Variants in MSRA observed in about 807,000 individuals in gnomAD.
The protein encoded by MSRA is methionine sulfoxide reductase A.
MSRA carries 54 observed loss-of-function variants against 31.3 expected under a neutral mutation model. That is an observed-to-expected ratio of 1.73 (90% confidence interval 1.39 to 2.17). The LOEUF (loss-of-function observed/expected upper bound fraction) is 2.17, where lower values mean the gene tolerates loss of function less well. Ranked by LOEUF, MSRA falls within the 30% of genes most tolerant of loss-of-function variation. MSRA has a pLI of 0.00. For synonymous variants in MSRA, 169 were observed against 116.5 expected (o/e 1.45, Z -2.90); for missense variants, 507 against 300.9 (o/e 1.69, Z -5.07).
chr8:10,428,141 C>T lies in MSRA; in HGVS notation c.544-7C>T. On this transcript the variant is annotated splice_region_variant and splice_polypyrimidine_tract_variant and intron_variant, in intron 5 of 5. Transcript: ENST00000317173. ...GGAGCTGATGGCGCCTTTCTGTGTC[C>T]CCACAGGTTCTTTCAGAGCACGGCT... 8.7e-6 allele frequency: 14 copies of T among 1,609,670 alleles called. No homozygotes were observed. Among genetic ancestry groups the T allele is most frequent in the East Asian group, 4.5e-5 (2 of 44,844 alleles).
chr8:10,323,562 C>G (rs62490329), intron 5 of MSRA, among the ~76,000 whole-genome samples: 10,310 of 152,108 alleles, frequency 0.068, 498 homozygotes, highest in East Asian at 0.25. Context: ...GGGGAACCCA[C>G]GTTGATTTTA....
At chr8:10,114,369 G>T (rs751153040) in intron 1 of MSRA, among the ~76,000 whole-genome samples, 1 of 152,014 alleles carries the variant, frequency 6.6e-6, no homozygotes, top group Non-Finnish European at 1.5e-5. Context: ...GGAATTTTTG[G>T]GCCATTTGGC....
intron 1 of MSRA, among the ~76,000 whole-genome samples, chr8:10,175,185 C>T (rs1415088291): frequency 6.6e-6 from 1 of 152,178 alleles, no homozygotes. Context: ...TCATGAGATG[C>T]CACGATGGTC....
chr8:10,156,826 T>TA (rs1554469607), intron 1 of MSRA, among the ~76,000 whole-genome samples: 1,583 of 150,496 alleles, frequency 0.011, 11 homozygotes, highest in Non-Finnish European at 0.018. Context: ...TTTTTTTTTT[T>TA]AGCTTCATTC....
chr8:10,378,973 TC>T (rs1563412548), intron 5 of MSRA, among the ~76,000 whole-genome samples: 7 of 152,358 alleles, frequency 4.6e-5, no homozygotes, highest in Admixed American at 4.6e-4. Flanking sequence ...CTGTCATCTC[TC>T]TTCCAGCCTT....
rs2975675 is a variant in MSRA, at chr8:10,264,053, C to A, written c.331+18830C>A. Among the ~76,000 whole-genome samples, 12 of 152,216 alleles carry A rather than the reference C, an allele frequency of 7.9e-5. No individual in the cohort carries two copies. In the East Asian group the frequency reaches 1.7e-3, roughly 22 times the overall value. On this transcript the variant is annotated intron_variant, in intron 3 of 5. Coordinates refer to ENST00000317173, the MANE Select transcript of MSRA (RefSeq NM_012331.5). ...ACTTGTCATGAAAAGTATATTTTAC[C>A]TTAATAAGCTAATGATTTATTTCAA...
At chr8:10,193,648 A>G (rs985791762) in intron 1 of MSRA, among the ~76,000 whole-genome samples, 1 of 152,216 alleles carries the variant, frequency 6.6e-6, no homozygotes, top group East Asian at 1.9e-4. Context: ...CATCTTTCAT[A>G]GAAAGGCAAG....
chr8:10,251,690 C>G (rs1359752244), intron 3 of MSRA, among the ~76,000 whole-genome samples: 2 of 152,180 alleles, frequency 1.3e-5, no homozygotes, highest in Non-Finnish European at 2.9e-5. Flanking sequence ...TCCCCACACC[C>G]ACATCCAAGC....
At chr8:10,307,716 C>G (rs903285064) in intron 4 of MSRA, among the ~76,000 whole-genome samples, 1 of 152,154 alleles carries the variant, frequency 6.6e-6, no homozygotes, top group Non-Finnish European at 1.5e-5. Flanking sequence ...CCAAGCCTTC[C>G]CAGAGGACTG....
intron 3 of MSRA, among the ~76,000 whole-genome samples, chr8:10,283,824 T>TACAC (rs1259643918): frequency 1.4e-4 from 10 of 69,000 alleles, no homozygotes; most frequent in East Asian, 5.4e-4. Context: ...TATATATATA[T>TACAC]ATATATATAT....
In MSRA at chr8:10,182,571, A is replaced by T. The variant is rs573182714; in HGVS notation, c.143-25262A>T. 1.3e-3 allele frequency among the ~76,000 whole-genome samples: 204 copies of T among 152,044 alleles called. 2 individuals are homozygous for T. Among genetic ancestry groups the T allele is most frequent in the Non-Finnish European group, 1.5e-3 (101 of 67,972 alleles). On this transcript the variant is annotated intron_variant, in intron 1 of 5. Transcript: ENST00000317173. ...ATTCAGTTTATTTATTTATTTATTT[A>T]TTTTTTATTTATTGTGGGCACATAG...
In MSRA at chr8:10,263,880, C is replaced by G. The variant is rs151121409; in HGVS notation, c.331+18657C>G. 3.3e-3 allele frequency among the ~76,000 whole-genome samples: 498 copies of G among 152,308 alleles called. 1 individual carries two copies. The highest frequency in any genetic ancestry group is 0.011 in the African/African-American group (477 of 41,578). ...TCAAATATAGATACAGAACACATTACAAAACTAAGATTTGGTCATTTTAAA... is the reference window on the plus strand; with the variant it reads ...TCAAATATAGATACAGAACACATTAGAAAACTAAGATTTGGTCATTTTAAA... On this transcript the variant is annotated intron_variant, in intron 3 of 5. Coordinates refer to ENST00000317173, the MANE Select transcript of MSRA (RefSeq NM_012331.5).
chr8:10,370,403 T>C (rs1275012960), intron 5 of MSRA, among the ~76,000 whole-genome samples: 1 of 152,154 alleles, frequency 6.6e-6, no homozygotes, highest in African/African-American at 2.4e-5. Flanking sequence ...GGGCGGCCAG[T>C]GAAGAAATAG....
chr8:10,122,885 C>T (rs1049094669), intron 1 of MSRA, among the ~76,000 whole-genome samples: 19 of 152,198 alleles, frequency 1.2e-4, no homozygotes, highest in Non-Finnish European at 2.5e-4. Context: ...TTTATGGTGG[C>T]ATAGTACTCC....
intron 1 of MSRA, among the ~76,000 whole-genome samples, chr8:10,207,064 G>A (rs955080654): frequency 1.3e-5 from 2 of 152,176 alleles, no homozygotes; most frequent in African/African-American, 4.8e-5. Flanking sequence ...TTCAAAACCT[G>A]CTGAGGATAT....
At chr8:10,191,853 G>T (rs920497822) in intron 1 of MSRA, among the ~76,000 whole-genome samples, 2 of 151,764 alleles carry the variant, frequency 1.3e-5, no homozygotes, top group African/African-American at 2.4e-5. Context: ...TTCTATCACT[G>T]TATAATCAAT....
rs192871417 is a variant in MSRA, at chr8:10,354,369, A to G, written c.543+34380A>G. On this transcript the variant is annotated intron_variant, in intron 5 of 5. Coordinates refer to ENST00000317173, the MANE Select transcript of MSRA (RefSeq NM_012331.5). Reference sequence around the variant, plus strand: ...ACCCTGAACACACAAATGCGAGGACACAACAGCAAGAATGAGTAAGCGAGA... The same window carrying G: ...ACCCTGAACACACAAATGCGAGGACGCAACAGCAAGAATGAGTAAGCGAGA... Among the ~76,000 whole-genome samples, 515 of 152,362 alleles carry G rather than the reference A, an allele frequency of 3.4e-3. 5 individuals are homozygous for G. Among genetic ancestry groups the G allele is most frequent in the African/African-American group, 0.012 (483 of 41,586 alleles).
chr8:10,172,829 C>G (rs1442292368), intron 1 of MSRA, among the ~76,000 whole-genome samples: 1 of 152,110 alleles, frequency 6.6e-6, no homozygotes, highest in Non-Finnish European at 1.5e-5. Flanking sequence ...GCCATGCATA[C>G]CAAGAACCGA....
At chr8:10,106,723 C>G (rs17149332) in intron 1 of MSRA, among the ~76,000 whole-genome samples, 32,954 of 152,144 alleles carry the variant, frequency 0.22, 3,800 homozygotes, top group East Asian at 0.4. Context: ...CATGGGACCA[C>G]CAGGAGAATA....
Sources: gnomAD v4.1 joint callset for allele counts (sites outside exome capture counted in the v4.1 genomes callset) on GRCh38, gnomAD v4.1.1 for gene constraint, MANE v1.5 for transcripts, NCBI Gene and HGNC (gene_info 2026-07-23, HGNC 2026-07-21) for gene names.